PARP4: variants seen among roughly 807,000 people sequenced by gnomAD.
The protein encoded by PARP4 is poly(ADP-ribose) polymerase family member 4.
PARP4 carries 120 observed loss-of-function variants against 187.7 expected under a neutral mutation model. That is an observed-to-expected ratio of 0.64 (90% CI 0.55 to 0.74). The LOEUF (loss-of-function observed/expected upper bound fraction) is 0.74. PARP4 is among the 30% of genes least tolerant of loss of function. The pLI is 0.00. For synonymous variants in PARP4, 654 were observed against 740.9 expected, an observed-to-expected ratio of 0.88 and a Z score of 1.90; for missense variants, 1,836 against 2,070.5, an observed-to-expected ratio of 0.89 and a Z score of 2.20.
At position 24,493,733 on chromosome 13, in the gene PARP4, A is replaced by G. The variant is rs1164970911; in HGVS notation, c.742T>C (p.Leu248=). Residue 248 remains leucine, a splice_region_variant and synonymous_variant, in exon 8 of 34, where the codon TTG becomes CTG. Coordinates refer to ENST00000381989, the MANE Select transcript of PARP4 (RefSeq NM_006437.4). ...TQLASEQLQA[L]LLEEVMNSST... ...GAATTCATGACTTCCTCCAAAAGCAACTACAATAATAAAATAGAAATGCCA... is the reference window on the plus strand; with the variant it reads ...GAATTCATGACTTCCTCCAAAAGCAGCTACAATAATAAAATAGAAATGCCA... 1 of 1,613,096 alleles carries G rather than the reference A, an allele frequency of 6.2e-7. No homozygotes were observed. Among genetic ancestry groups the G allele is most frequent in the East Asian group, 2.2e-5 (1 of 44,894 alleles).
intron 30 of PARP4, among the ~76,000 whole-genome samples, chr13:24,436,381 A>AT (rs543203739): frequency 1.4e-3 from 207 of 152,350 alleles, no homozygotes; most frequent in African/African-American, 4.8e-3. Flanking sequence ...ACAACTCACT[A>AT]TAGCCTTGAA....
chr13:24,477,933 A>C, intron 13 of PARP4, 76 bp from the exon 14 acceptor site: 2 of 1,193,212 alleles, frequency 1.7e-6, no homozygotes, highest in Non-Finnish European at 2.3e-6. Context: ...GTTTTCATAA[A>C]AGCATGTTTG....
At chr13:24,435,953 TG>T in intron 30 of PARP4, among the ~76,000 whole-genome samples, 1 of 149,798 alleles carries the variant, frequency 6.7e-6, no homozygotes, top group East Asian at 2.0e-4. Context: ...AAGAAAATAA[TG>T]CCACCAGAGA....
In PARP4 at chr13:24,497,896, A is replaced by T. The variant is rs143516348; in HGVS notation, c.591+220T>A. On this transcript the variant is annotated intron_variant, in intron 6 of 33. Coordinates refer to ENST00000381989, the MANE Select transcript of PARP4 (RefSeq NM_006437.4). Reference sequence around the variant, plus strand: ...AAGCCAAAGAGAGAGGCCTCACTTCAGAAGAAATCAACCCTGCTGTACTTT... The same window carrying T: ...AAGCCAAAGAGAGAGGCCTCACTTCTGAAGAAATCAACCCTGCTGTACTTT... Among the ~76,000 whole-genome samples, 113 of 152,368 alleles carry T rather than the reference A, an allele frequency of 7.4e-4. 2 individuals carry two copies. Among genetic ancestry groups the T allele is most frequent in the Middle Eastern group, 3.4e-3 (1 of 294 alleles).
chr13:24,484,891 C>T (rs1873473120), intron 11 of PARP4, 143 bp from the exon 12 acceptor site: 1 of 537,204 alleles, frequency 1.9e-6, no homozygotes, highest in Admixed American at 3.1e-5. Flanking sequence ...TTTCCGGAAA[C>T]ACAAGGGAAA....
Position 24,455,480 on chromosome 13 carries a change from AATATATAT to A in PARP4, c.2563-276_2563-269del, listed in dbSNP as rs57015283. 6.1e-3 allele frequency among the ~76,000 whole-genome samples: 660 copies of A among 108,422 alleles called. 14 individuals carry two copies. Among genetic ancestry groups the A allele is most frequent in the African/African-American group, 0.019 (602 of 31,326 alleles). The allele number at this position is 108,422 out of a possible 152,430, so 71.1% of individuals were successfully genotyped here. On this transcript the variant is annotated intron_variant, in intron 21 of 33. Transcript: ENST00000381989. ...CATATAGCATCAACATTATGGAACA[AATATATAT>A]ATATATATATATATATATCACACTA...
intron 17 of PARP4, among the ~76,000 whole-genome samples, chr13:24,462,881 C>T (rs758006851): frequency 4.7e-5 from 7 of 148,340 alleles, no homozygotes; most frequent in Non-Finnish European, 7.5e-5. Flanking sequence ...GAAAACAGAG[C>T]TCCAAAAGCT....
chr13:24,500,209 TTAAAA>T, intron 4 of PARP4, 102 bp downstream of exon 4: 1 of 548,020 alleles, frequency 1.8e-6, no homozygotes, highest in Non-Finnish European at 3.2e-6. Flanking sequence ...GCAAAATAAA[TTAAAA>T]TAAGAAAAAG....
At chr13:24,451,254 G>A (rs1360662055) in intron 24 of PARP4, among the ~76,000 whole-genome samples, 1 of 152,206 alleles carries the variant, frequency 6.6e-6, no homozygotes, top group East Asian at 1.9e-4. Flanking sequence ...AGGCTGCCCT[G>A]AGCGCAGCTG....
chr13:24,498,724 A>C lies in PARP4; in HGVS notation c.478-495T>G, dbSNP rs147124827. ...CTATAGGCAAGTGATGCCACATCAG[A>C]CACTAGTGTTGATTTTCATTTGTGG... On this transcript the variant is annotated intron_variant, in intron 5 of 33. Transcript: ENST00000381989. Among the ~76,000 whole-genome samples the C allele has an allele frequency of 2.4e-4, 37 of 151,572 alleles. 1 individual carries two copies. Among genetic ancestry groups the C allele is most frequent in the African/African-American group, 8.7e-4 (36 of 41,322 alleles).
chr13:24,458,978 C>T, intron 20 of PARP4, 66 bp downstream of exon 20: 1 of 1,122,374 alleles, frequency 8.9e-7, no homozygotes, highest in Non-Finnish European at 1.3e-6. Context: ...CACGTGCATA[C>T]ATTGCTTTGA....
At chr13:24,500,249 T>C in intron 4 of PARP4, 67 bp downstream of exon 4, 2 of 827,566 alleles carry the variant, frequency 2.4e-6, no homozygotes, top group Non-Finnish European at 1.9e-6. Flanking sequence ...TTTAATACTG[T>C]GCTTGAGGTT....
intron 1 of PARP4, among the ~76,000 whole-genome samples, chr13:24,510,590 A>G (rs1045558481): frequency 2.6e-5 from 4 of 151,716 alleles, no homozygotes; most frequent in Non-Finnish European, 4.4e-5. Flanking sequence ...TATTAGAAAT[A>G]CACTTTAATT....
At chr13:24,432,737 G>C (rs2137438432) in intron 31 of PARP4, among the ~76,000 whole-genome samples, 1 of 151,908 alleles carries the variant, frequency 6.6e-6, no homozygotes, top group South Asian at 2.1e-4. Context: ...GCATAAAATT[G>C]TTATATTAAA....
intron 24 of PARP4, among the ~76,000 whole-genome samples, chr13:24,450,608 G>T (rs1871456936): frequency 6.6e-6 from 1 of 152,192 alleles, no homozygotes; most frequent in Non-Finnish European, 1.5e-5. Context: ...CTCCTTCAGG[G>T]CGGCTCTCAG....
intron 6 of PARP4, among the ~76,000 whole-genome samples, chr13:24,496,277 C>T (rs1461903452): frequency 2.0e-5 from 3 of 152,170 alleles, no homozygotes; most frequent in Non-Finnish European, 4.4e-5. Flanking sequence ...TTTCAGGGTA[C>T]AAGGGTAACA....
chr13:24,428,346 C>G (rs1322149752), intron 32 of PARP4, among the ~76,000 whole-genome samples: 1 of 152,172 alleles, frequency 6.6e-6, no homozygotes, highest in Non-Finnish European at 1.5e-5. Flanking sequence ...CAGGCTGGTC[C>G]TAGCACCTGC....
intron 20 of PARP4, among the ~76,000 whole-genome samples, chr13:24,457,770 C>CAAAAAAAAAAAAAAAAA (rs33930012): frequency 1.8e-4 from 15 of 85,656 alleles, no homozygotes; most frequent in African/African-American, 4.0e-4. Flanking sequence ...GACTCTGTCT[C>CAAAAAAAAAAAAAAAAA]AAAAAAAAAA....
chr13:24,426,375 T>C (rs1565984350), intron 33 of PARP4, 91 bp downstream of exon 33: 2 of 976,300 alleles, frequency 2.0e-6, no homozygotes, highest in Non-Finnish European at 3.1e-6. Flanking sequence ...AGTGTACACA[T>C]GTAAGATAAT....
Sources: allele counts gnomAD v4.1 joint callset (sites outside exome capture counted in the v4.1 genomes callset), GRCh38; gene constraint gnomAD v4.1.1; transcripts MANE v1.5; gene names NCBI Gene and HGNC (gene_info 2026-07-23, HGNC 2026-07-21).